CELF1: variants seen among roughly 807,000 people sequenced by gnomAD.
The protein encoded by CELF1 is 50 kDa nuclear polyadenylated RNA-binding protein.
In CELF1, 10 loss-of-function variants were observed where a neutral mutation model predicts 61.8. The ratio of observed to expected loss-of-function variants is 0.16; its 90% CI spans 0.10 to 0.27. The LOEUF (loss-of-function observed/expected upper bound fraction) is 0.27. Among genes scored for constraint, CELF1 ranks in the 10% least tolerant of loss-of-function variants. CELF1 has a pLI of 1.00. For synonymous variants in CELF1, 236 were observed against 225.1 expected, an observed-to-expected ratio of 1.05 and a Z score of -0.43; for missense variants, 380 against 639.1, an observed-to-expected ratio of 0.59 and a Z score of 4.37.
At chr11:47,473,061 C>T (rs759980061) in intron 14 of CELF1, 27 bp downstream of exon 14, 2 of 1,609,536 alleles carry the variant, frequency 1.2e-6, no homozygotes, top group Non-Finnish European at 1.7e-6. Context: ...CTAATCCCAT[C>T]CTGACACCAG....
intron 1 of CELF1, among the ~76,000 whole-genome samples, chr11:47,508,979 G>C (rs1332856220): frequency 6.6e-6 from 1 of 152,106 alleles, no homozygotes; most frequent in African/African-American, 2.4e-5. Flanking sequence ...ATGTTGGTCA[G>C]GCTAGTCTCG....
chr11:47,541,167 T>C (rs761365472), intron 1 of CELF1, among the ~76,000 whole-genome samples: 1 of 152,044 alleles, frequency 6.6e-6, no homozygotes, highest in Non-Finnish European at 1.5e-5. Context: ...AAAACAGAAA[T>C]TAACAAAAAC....
At chr11:47,551,592 G>C (rs2097138078) in intron 1 of CELF1, among the ~76,000 whole-genome samples, 1 of 152,230 alleles carries the variant, frequency 6.6e-6, no homozygotes, top group African/African-American at 2.4e-5. Context: ...TTCTCACCAA[G>C]GATTAATAGA....
At chr11:47,514,401 A>G (rs900933798) in intron 1 of CELF1, among the ~76,000 whole-genome samples, 2 of 152,086 alleles carry the variant, frequency 1.3e-5, no homozygotes, top group Non-Finnish European at 2.9e-5. Context: ...TTCACAACCA[A>G]TAAATAGAAC....
At position 47,471,957 on chromosome 11, in the gene CELF1, GAAACAA is replaced by G. The variant is rs770842168; in HGVS notation, c.*267_*272del. The G allele has an allele frequency of 8.7e-6, 3 of 346,220 alleles. No homozygotes were observed. The highest frequency in any genetic ancestry group is 6.1e-5 in the South Asian group (1 of 16,288). 21.4% of individuals were successfully genotyped at this position (346,220 alleles called of 1,614,324 possible). ...AACACAGCAAACTTTAAATAAAGGA[GAAACAA>G]AAACAAAAACAAAAAAAACCTCAGG... On this transcript the variant is annotated 3_prime_UTR_variant, in exon 15 of 15. Transcript: ENST00000687097.
rs1218263571 is a variant in CELF1, at chr11:47,553,128, A to T, written c.-290T>A. The T allele has an allele frequency of 2.5e-6, 1 of 396,566 alleles. No homozygotes were observed. The highest frequency in any genetic ancestry group is 4.4e-6 in the Non-Finnish European group (1 of 224,782). 24.6% of individuals were successfully genotyped at this position (396,566 alleles called of 1,614,324 possible). On this transcript the variant is annotated 5_prime_UTR_variant, in exon 1 of 15. Coordinates refer to ENST00000687097, the MANE Select transcript of CELF1 (RefSeq NM_001376376.1). ...GCCGCTGCCGCTGCCGCCAGAGCAG[A>T]ACACCCCAAAATGGCGGCACTTCCG...
At chr11:47,479,948 C>G (rs931616679) in intron 9 of CELF1, among the ~76,000 whole-genome samples, 4 of 152,032 alleles carry the variant, frequency 2.6e-5, no homozygotes, top group African/African-American at 4.8e-5. Context: ...CCTTTCCCCC[C>G]GCTTCTCAAA....
intron 1 of CELF1, among the ~76,000 whole-genome samples, chr11:47,542,263 G>C (rs1182641020): frequency 6.6e-6 from 1 of 152,016 alleles, no homozygotes; most frequent in Non-Finnish European, 1.5e-5. Context: ...CCAGCTACTC[G>C]AGGTTGAGGC....
intron 13 of CELF1, among the ~76,000 whole-genome samples, chr11:47,474,410 A>G (rs1385973459): frequency 6.6e-6 from 1 of 152,116 alleles, no homozygotes; most frequent in Non-Finnish European, 1.5e-5. Flanking sequence ...TTAAATGTCA[A>G]TCTAGAGAGA....
intron 2 of CELF1, 78 bp from the exon 3 acceptor site, chr11:47,499,682 C>G (rs912186656): frequency 1.6e-6 from 1 of 621,894 alleles, no homozygotes; most frequent in Admixed American, 2.8e-5. Flanking sequence ...AGAGGCAGGA[C>G]TGGGGAAGGG....
At chr11:47,549,210 A>AAAAC (rs1172768030) in intron 1 of CELF1, among the ~76,000 whole-genome samples, 5 of 152,232 alleles carry the variant, frequency 3.3e-5, no homozygotes, top group Admixed American at 3.3e-4. Flanking sequence ...GGTTCTTCAA[A>AAAAC]AAACAAACAA....
chr11:47,491,873 C>T (rs1293040461), intron 3 of CELF1, among the ~76,000 whole-genome samples: 1 of 152,208 alleles, frequency 6.6e-6, no homozygotes, highest in East Asian at 1.9e-4. Flanking sequence ...CAACAGTCCC[C>T]ATTTAACCAA....
In CELF1 at chr11:47,499,303, A is replaced by C. The variant is rs1323658538; in HGVS notation, c.71+150T>G. On this transcript the variant is annotated intron_variant, in intron 3 of 14. Transcript: ENST00000687097. The stretch of plus-strand genomic sequence containing the variant: ...GCAGTAATGAGACAGACTACAATTG[A>C]AAATAATAGCATGAGAGAATTCAGG... 5 of 621,538 alleles carry C rather than the reference A, an allele frequency of 8.0e-6. No individual in the cohort carries two copies. In the Admixed American group the frequency reaches 1.5e-4, roughly 18 times the overall value. The allele number at this position is 621,538 out of a possible 1,614,324, so 38.5% of individuals were successfully genotyped here. A position where few individuals can be genotyped will look rare whatever the true frequency, so the allele number is the denominator to read the frequency against.
intron 1 of CELF1, among the ~76,000 whole-genome samples, chr11:47,545,255 C>T (rs1228394211): frequency 2.6e-5 from 4 of 152,116 alleles, no homozygotes; most frequent in Non-Finnish European, 5.9e-5. Context: ...CATGAAGAAA[C>T]CCCATCTCTA....
chr11:47,494,800 G>C (rs2092744054), intron 3 of CELF1, among the ~76,000 whole-genome samples: 1 of 152,180 alleles, frequency 6.6e-6, no homozygotes, highest in African/African-American at 2.4e-5. Flanking sequence ...GCAATACGAT[G>C]ATAGCCACTA....
intron 3 of CELF1, among the ~76,000 whole-genome samples, chr11:47,497,220 A>G (rs1290745281): frequency 6.6e-6 from 1 of 152,252 alleles, no homozygotes; most frequent in Non-Finnish European, 1.5e-5. Flanking sequence ...CTCAGAAGAC[A>G]TTTGGGGGAA....
At chr11:47,499,091 A>C (rs2093574608) in intron 3 of CELF1, among the ~76,000 whole-genome samples, 1 of 152,184 alleles carries the variant, frequency 6.6e-6, no homozygotes, top group African/African-American at 2.4e-5. Context: ...TTCCCAAAAG[A>C]TTATTTGAAA....
Position 47,474,468 on chromosome 11 carries a change from A to G in CELF1, c.1273+868T>C, listed in dbSNP as rs78091665. On this transcript the variant is annotated intron_variant, in intron 13 of 14. Transcript: ENST00000687097. Reference sequence around the variant, plus strand: ...AAATGCAGTGCCTCTGACACTCCCTATCTCTCTTCCCGGCTTGTCATTCTC... The same window carrying G: ...AAATGCAGTGCCTCTGACACTCCCTGTCTCTCTTCCCGGCTTGTCATTCTC... Among the ~76,000 whole-genome samples, 866 of 152,120 alleles carry G rather than the reference A, an allele frequency of 5.7e-3. 8 individuals are homozygous for G. The highest frequency in any genetic ancestry group is 0.02 in the African/African-American group (831 of 41,490).
intron 1 of CELF1, among the ~76,000 whole-genome samples, chr11:47,545,915 A>ATT (rs11315630): frequency 1.6e-3 from 212 of 135,914 alleles, no homozygotes; most frequent in South Asian, 3.7e-3. Flanking sequence ...GTATATATAT[A>ATT]TTTTTTTTTT....
Sources: allele counts gnomAD v4.1 joint callset (sites outside exome capture counted in the v4.1 genomes callset), GRCh38; gene constraint gnomAD v4.1.1; transcripts MANE v1.5; gene names NCBI Gene and HGNC (gene_info 2026-07-23, HGNC 2026-07-21).